EXOC6B: variants seen among roughly 807,000 people sequenced by gnomAD.
The protein encoded by EXOC6B is exocyst complex component 6B.
EXOC6B carries 54 observed loss-of-function variants against 113.5 expected under a neutral mutation model. That is an observed-to-expected ratio of 0.48 (90% CI 0.38 to 0.60). The LOEUF is 0.60. Ranked by LOEUF, EXOC6B falls within the 20% of genes least tolerant of loss-of-function variation. EXOC6B has a pLI of 0.00. For missense variants in EXOC6B, 797 were observed against 977.5 expected (o/e 0.82, Z 2.46); for synonymous variants, 357 against 339.0 (o/e 1.05, Z -0.58).
intron 8 of EXOC6B, among the ~76,000 whole-genome samples, chr2:72,558,032 A>G (rs1175117772): frequency 2.6e-5 from 1 of 39,026 alleles, no homozygotes. Flanking sequence ...GCTTCTTTAT[A>G]AAACCAAAAA....
chr2:72,571,151 A>AT (rs958960489), intron 7 of EXOC6B, among the ~76,000 whole-genome samples: 20 of 152,038 alleles, frequency 1.3e-4, no homozygotes, highest in African/African-American at 4.6e-4. Flanking sequence ...ACTACTTCTG[A>AT]TTTTTTTTAA....
In EXOC6B at chr2:72,465,048, T is replaced by A. The variant is rs560314747; in HGVS notation, c.1980+112A>T. 2.6e-5 allele frequency: 22 copies of A among 835,412 alleles called. No individual in the cohort carries two copies. In the Admixed American group the frequency reaches 3.2e-4, roughly 12 times the overall value. The allele number at this position is 835,412 out of a possible 1,614,324, so 51.7% of individuals were successfully genotyped here. On this transcript the variant is annotated intron_variant, in intron 18 of 21. Transcript: ENST00000272427. ...TTAATAAATATAGCATGCGCCTTTATATACTGAAAATCTTCCTGGGTAGTT... is the reference window on the plus strand; with the variant it reads ...TTAATAAATATAGCATGCGCCTTTAAATACTGAAAATCTTCCTGGGTAGTT...
chr2:72,298,189 A>G lies in EXOC6B; in HGVS notation c.2196+36758T>C, dbSNP rs187207870. On this transcript the variant is annotated intron_variant, in intron 20 of 21. Transcript: ENST00000272427. ...GGGTGCTCCTATAATGGGTGCATAT[A>G]TATTTAGGATAGTTAGCTCTTCTTG... 3.0e-4 allele frequency among the ~76,000 whole-genome samples: 45 copies of G among 152,310 alleles called. 1 individual carries two copies. In the East Asian group the frequency reaches 6.6e-3, roughly 22 times the overall value.
At chr2:72,498,812 T>C (rs925500567) in intron 12 of EXOC6B, among the ~76,000 whole-genome samples, 1 of 152,114 alleles carries the variant, frequency 6.6e-6, no homozygotes, top group Non-Finnish European at 1.5e-5. Context: ...ATAAAGGGTA[T>C]ACTATGGGAT....
chr2:72,618,099 T>C (rs1573496399), intron 6 of EXOC6B, among the ~76,000 whole-genome samples: 1 of 152,094 alleles, frequency 6.6e-6, no homozygotes, highest in Non-Finnish European at 1.5e-5. Context: ...CCAGGTCCAA[T>C]GGCTCACACC....
intron 6 of EXOC6B, among the ~76,000 whole-genome samples, chr2:72,708,896 A>ATTTTTT (rs1159794341): frequency 5.3e-4 from 37 of 69,802 alleles, no homozygotes; most frequent in Admixed American, 1.2e-3. Context: ...CATCCAGCTA[A>ATTTTTT]TTTTTTTTTT....
chr2:72,193,982 G>A (rs1559002412), intron 20 of EXOC6B, among the ~76,000 whole-genome samples: 1 of 152,146 alleles, frequency 6.6e-6, no homozygotes, highest in Non-Finnish European at 1.5e-5. Context: ...TAATAGCTGA[G>A]GTAAGTAGTT....
chr2:72,286,802 T>C (rs935644753), intron 20 of EXOC6B, among the ~76,000 whole-genome samples: 7 of 152,224 alleles, frequency 4.6e-5, no homozygotes, highest in African/African-American at 1.7e-4. Context: ...AAATTAAAAT[T>C]GCTGTAAAAA....
intron 20 of EXOC6B, among the ~76,000 whole-genome samples, chr2:72,283,732 C>A (rs183078650): frequency 1.3e-3 from 192 of 152,204 alleles, no homozygotes; most frequent in African/African-American, 4.5e-3. Flanking sequence ...ACTAGTCAAC[C>A]AAACCCTAAC....
chr2:72,265,897 A>G (rs1414978559), intron 20 of EXOC6B, among the ~76,000 whole-genome samples: 2 of 152,148 alleles, frequency 1.3e-5, no homozygotes, highest in African/African-American at 2.4e-5. Flanking sequence ...CTATTTCTCC[A>G]CATCCTCTCC....
rs1698788868 is a variant in EXOC6B, at chr2:72,476,983, T to C, written c.1800+3633A>G. On this transcript the variant is annotated intron_variant, in intron 17 of 21. Transcript: ENST00000272427. ...CTTGTACTTGTCTGGGAAGTCTTCT[T>C]TGGCGGTCCTAAAGGTGGAACCTCA... Among the ~76,000 whole-genome samples the C allele has an allele frequency of 5.3e-5, 8 of 152,314 alleles. No homozygotes were observed. In the South Asian group the frequency reaches 1.5e-3, roughly 28 times the overall value.
intron 18 of EXOC6B, among the ~76,000 whole-genome samples, chr2:72,410,563 A>C (rs578223195): frequency 3.9e-5 from 6 of 152,246 alleles, no homozygotes; most frequent in Non-Finnish European, 8.8e-5. Context: ...GTATGAAAAC[A>C]GTCTTACAAT....
intron 1 of EXOC6B, among the ~76,000 whole-genome samples, chr2:72,801,513 A>G (rs1685269132): frequency 6.6e-6 from 1 of 152,214 alleles, no homozygotes; most frequent in Admixed American, 6.5e-5. Context: ...CTAAAGCACT[A>G]TGTTGACTGT....
intron 11 of EXOC6B, 80 bp from the exon 12 acceptor site, chr2:72,500,052 A>G: frequency 2.0e-6 from 2 of 980,036 alleles, no homozygotes; most frequent in Non-Finnish European, 3.1e-6. Context: ...TTAATTGTTT[A>G]GCGCTTTATC....
intron 17 of EXOC6B, among the ~76,000 whole-genome samples, chr2:72,467,867 T>C (rs1352585928): frequency 6.6e-6 from 1 of 151,994 alleles, no homozygotes; most frequent in Admixed American, 6.6e-5. Context: ...AGCTCCCAGG[T>C]TCAAGCGATT....
At chr2:72,743,128 A>T (rs1478605801) in intron 1 of EXOC6B, among the ~76,000 whole-genome samples, 1 of 152,096 alleles carries the variant, frequency 6.6e-6, no homozygotes, top group Non-Finnish European at 1.5e-5. Context: ...AAGTCCTGAC[A>T]ACTCAACCTC....
At chr2:72,686,271 A>C (rs745921249) in intron 6 of EXOC6B, among the ~76,000 whole-genome samples, 2 of 152,192 alleles carry the variant, frequency 1.3e-5, no homozygotes, top group South Asian at 2.1e-4. Flanking sequence ...TTTTAAGTCC[A>C]AGGAATGAAA....
chr2:72,488,308 C>T (rs1217666989), intron 16 of EXOC6B, among the ~76,000 whole-genome samples: 1 of 151,812 alleles, frequency 6.6e-6, no homozygotes, highest in African/African-American at 2.4e-5. Context: ...ATCAGAGTAC[C>T]CAAAAGTTCA....
chr2:72,420,271 G>T (rs1036421828), intron 18 of EXOC6B, among the ~76,000 whole-genome samples: 5 of 151,742 alleles, frequency 3.3e-5, no homozygotes, highest in Non-Finnish European at 7.4e-5. Flanking sequence ...AAGTTCTGGG[G>T]TACATGTGCA....
Sources: gnomAD v4.1 joint callset for allele counts (sites outside exome capture counted in the v4.1 genomes callset) on GRCh38, gnomAD v4.1.1 for gene constraint, MANE v1.5 for transcripts, NCBI Gene and HGNC (gene_info 2026-07-23, HGNC 2026-07-21) for gene names.